Variants in ZNF585B observed in about 807,000 individuals in gnomAD.
ZNF585B encodes zinc finger protein 585B.
A neutral mutation model predicts 14.0 loss-of-function variants in ZNF585B; 7 were observed. That is an observed-to-expected ratio of 0.50 (90% CI 0.28 to 0.94). The LOEUF (loss-of-function observed/expected upper bound fraction) is 0.94, where lower values mean the gene tolerates loss of function less well. Among genes scored for constraint, ZNF585B ranks in the 40% least tolerant of loss-of-function variants. ZNF585B has a pLI of 0.09. For missense variants in ZNF585B, 750 were observed against 924.4 expected (o/e 0.81, Z 2.45); for synonymous variants, 290 against 317.3 (o/e 0.91, Z 0.91).
At chr19:37,209,249 C>A (rs1972620139) in intron 1 of ZNF585B, among the ~76,000 whole-genome samples, 1 of 152,016 alleles carries the variant, frequency 6.6e-6, no homozygotes, top group Admixed American at 6.6e-5. Flanking sequence ...GGATTACAGG[C>A]ACCCACCACC....
intron 4 of ZNF585B, 29 bp from the exon 5 acceptor site, chr19:37,187,273 G>GA: frequency 7.4e-6 from 11 of 1,496,522 alleles, no homozygotes; most frequent in Non-Finnish European, 1.0e-5. Context: ...AGTAAGTATA[G>GA]AAAGACATTT....
At chr19:37,209,755 G>T (rs936682341) in intron 1 of ZNF585B, among the ~76,000 whole-genome samples, 2 of 144,248 alleles carry the variant, frequency 1.4e-5, no homozygotes, top group East Asian at 4.2e-4. Context: ...GTGCTCTGTG[G>T]CCCAGGCTGG....
At chr19:37,199,434 G>T (rs1011355985) in intron 2 of ZNF585B, 3 of 447,962 alleles carry the variant, frequency 6.7e-6, no homozygotes, top group Non-Finnish European at 1.3e-5. Context: ...CTAAGGTGGG[G>T]GGATCGATTG....
At position 37,203,155 on chromosome 19, in the gene ZNF585B, T is replaced by A. The variant is rs190732559; in HGVS notation, c.72+3885A>T. ...ACTCATGTCTTTGCTTTTCTTTTTT[T>A]AGTCCTCGTTCTTTTTTGTATTTTT... On this transcript the variant is annotated intron_variant, in intron 2 of 4. Transcript: ENST00000532828. Among the ~76,000 whole-genome samples, 160 of 152,330 alleles carry A rather than the reference T, an allele frequency of 1.1e-3. 1 individual carries two copies. Among genetic ancestry groups the A allele is most frequent in the African/African-American group, 3.7e-3 (153 of 41,578 alleles).
intron 1 of ZNF585B, 127 bp from the exon 2 acceptor site, chr19:37,207,381 T>C (rs1972597358): frequency 1.8e-6 from 1 of 558,780 alleles, no homozygotes; most frequent in African/African-American, 1.9e-5. Flanking sequence ...TGCATTCAAG[T>C]CACCTGGAGG....
chr19:37,203,463 T>C (rs902365066), intron 2 of ZNF585B, among the ~76,000 whole-genome samples: 7 of 113,662 alleles, frequency 6.2e-5, no homozygotes, highest in South Asian at 2.9e-4. Context: ...CTGGGCAACA[T>C]AGTAAGATCT....
chr19:37,194,711 C>G (rs542178238), intron 2 of ZNF585B, among the ~76,000 whole-genome samples: 1 of 152,226 alleles, frequency 6.6e-6, no homozygotes, highest in African/African-American at 2.4e-5. Context: ...ATCAAATATA[C>G]AGAAAAAGAA....
intron 2 of ZNF585B, among the ~76,000 whole-genome samples, chr19:37,203,450 A>G (rs1392220328): frequency 7.0e-6 from 1 of 143,156 alleles, no homozygotes; most frequent in East Asian, 2.1e-4. Context: ...ACCGCACTCC[A>G]GCCTGGGCAA....
In ZNF585B at chr19:37,181,949, C is replaced by G. The variant is rs895840659; in HGVS notation, c.*3278G>C. On this transcript the variant is annotated 3_prime_UTR_variant, in exon 5 of 5. Coordinates refer to ENST00000532828, the MANE Select transcript of ZNF585B (RefSeq NM_152279.4). ...GTCATTATTCATTTGTCTCAACCCA[C>G]AGAATGCACATCAAGACTGAACCCT... 1.3e-5 allele frequency: 2 copies of G among 152,140 alleles called. No homozygotes were observed. Among genetic ancestry groups the G allele is most frequent in the Admixed American group, 1.3e-4 (2 of 15,276 alleles). 9.4% of individuals were successfully genotyped at this position (152,140 alleles called of 1,614,324 possible).
At chr19:37,188,276 C>T (rs952469001) in intron 4 of ZNF585B, among the ~76,000 whole-genome samples, 2 of 151,938 alleles carry the variant, frequency 1.3e-5, no homozygotes, top group African/African-American at 2.4e-5. Flanking sequence ...CACCTGAGGT[C>T]GAGAGTTGGA....
intron 2 of ZNF585B, among the ~76,000 whole-genome samples, chr19:37,200,053 T>TCATAA (rs1972514147): frequency 6.9e-6 from 1 of 144,552 alleles, no homozygotes; most frequent in African/African-American, 2.6e-5. Context: ...CAAAAATAAA[T>TCATAA]AATAAAATAA....
In ZNF585B at chr19:37,184,835, T is replaced by C. The variant is rs1252835651; in HGVS notation, c.*392A>G. The stretch of plus-strand genomic sequence containing the variant: ...CACAGAAGGATTCATCACTATCATA[T>C]ATATTATGTTGTCTTACCATTCAAA... On this transcript the variant is annotated 3_prime_UTR_variant, in exon 5 of 5. Transcript: ENST00000532828. The C allele has an allele frequency of 9.6e-6, 4 of 418,134 alleles. No homozygotes were observed. The highest frequency in any genetic ancestry group is 6.0e-4 in the Middle Eastern group (1 of 1,656). 25.9% of individuals were successfully genotyped at this position (418,134 alleles called of 1,614,324 possible). A position where few individuals can be genotyped will look rare whatever the true frequency, so the allele number is the denominator to read the frequency against.
chr19:37,186,240 T>C lies in ZNF585B; in HGVS notation c.1297A>G (p.Thr433Ala). ...CCACATTTATAAGGTTTCTCTCCAGTATGAATTATTTGATGTGTAATCAAG... is the reference window on the plus strand; with the variant it reads ...CCACATTTATAAGGTTTCTCTCCAGCATGAATTATTTGATGTGTAATCAAG... Reference protein sequence around the residue: ...AHLITHQIIHTGEKPYKCGHC... With the variant: ...AHLITHQIIHAGEKPYKCGHC... The change falls in exon 5 of 5, where the codon ACT (threonine) becomes GCT (alanine). Residue 433 changes from threonine to alanine, a missense_variant. Physicochemically the swap from Thr to Ala is moderately conservative, Grantham distance 58 (BLOSUM62 0). Transcript: ENST00000532828. The C allele has an allele frequency of 6.2e-7, 1 of 1,614,224 alleles. No individual in the cohort carries two copies. The highest frequency in any genetic ancestry group is 1.1e-5 in the South Asian group (1 of 91,084).
Position 37,197,610 on chromosome 19 carries a change from G to A in ZNF585B, c.73-7460C>T, listed in dbSNP as rs546564899. The stretch of plus-strand genomic sequence containing the variant: ...ACACTCCCACCAACAGAGTAAAAGC[G>A]TTCCTATTTCTCCACATCCTCTCCA... On this transcript the variant is annotated intron_variant, in intron 2 of 4. Transcript: ENST00000532828. 3.3e-5 allele frequency among the ~76,000 whole-genome samples: 5 copies of A among 152,288 alleles called. No individual in the cohort carries two copies. In the South Asian group the frequency reaches 8.3e-4, roughly 25 times the overall value.
chr19:37,197,289 G>A (rs1972477483), intron 2 of ZNF585B, among the ~76,000 whole-genome samples: 1 of 152,064 alleles, frequency 6.6e-6, no homozygotes, highest in Non-Finnish European at 1.5e-5. Flanking sequence ...CTTCATCCAT[G>A]TCCCTACAAA....
Position 37,206,016 on chromosome 19 carries a change from G to T in ZNF585B, c.72+1024C>A, listed in dbSNP as rs544043477. On this transcript the variant is annotated intron_variant, in intron 2 of 4. Transcript: ENST00000532828. ...AATTGCTTGAACCTGGATGGCAGAG[G>T]TTGCAGTGAGCGGAGATCATGCCAT... Among the ~76,000 whole-genome samples, 88 of 152,206 alleles carry T rather than the reference G, an allele frequency of 5.8e-4. 1 individual carries two copies. The highest frequency in any genetic ancestry group is 1.7e-3 in the African/African-American group (70 of 41,526).
At chr19:37,197,388 C>T (rs1319503778) in intron 2 of ZNF585B, among the ~76,000 whole-genome samples, 3 of 152,076 alleles carry the variant, frequency 2.0e-5, no homozygotes, top group Non-Finnish European at 4.4e-5. Context: ...CACTGATGGA[C>T]ATTTGGGTTG....
intron 2 of ZNF585B, among the ~76,000 whole-genome samples, chr19:37,204,191 T>C (rs1194775531): frequency 1.3e-5 from 2 of 152,250 alleles, no homozygotes; most frequent in Non-Finnish European, 2.9e-5. Flanking sequence ...CATGTTTTCA[T>C]CCCTTTAGGT....
At chr19:37,199,934 T>C (rs901069332) in intron 2 of ZNF585B, among the ~76,000 whole-genome samples, 2 of 151,760 alleles carry the variant, frequency 1.3e-5, no homozygotes, top group African/African-American at 2.4e-5. Flanking sequence ...TCCCAGCTAC[T>C]AGGGAGTCTG....
Sources: gnomAD v4.1 joint callset for allele counts (sites outside exome capture counted in the v4.1 genomes callset) on GRCh38, gnomAD v4.1.1 for gene constraint, MANE v1.5 for transcripts, NCBI Gene and HGNC (gene_info 2026-07-23, HGNC 2026-07-21) for gene names.